The following CMSS1 variants were observed in gnomAD, a reference collection of about 807,000 sequenced individuals.
CMSS1 encodes the protein protein CMSS1.
CMSS1 carries 33 observed loss-of-function variants against 43.5 expected under a neutral mutation model. The ratio of observed to expected loss-of-function variants is 0.76; its 90% CI spans 0.57 to 1.01. The LOEUF is 1.01. CMSS1 is among the 50% of genes least tolerant of loss of function. The pLI is 0.00. For synonymous variants in CMSS1, 115 were observed against 117.2 expected (o/e 0.98, Z 0.12); for missense variants, 313 against 326.4 (o/e 0.96, Z 0.32).
intron 6 of CMSS1, among the ~76,000 whole-genome samples, chr3:100,169,298 A>G (rs2067090646): frequency 6.6e-6 from 1 of 152,230 alleles, no homozygotes; most frequent in African/African-American, 2.4e-5. Context: ...ATAAACAAAA[A>G]GGCTTCCACT....
Position 100,119,238 on chromosome 3 carries a change from CTATT to C in CMSS1, c.65-27729_65-27726del, listed in dbSNP as rs201660224. Among the ~76,000 whole-genome samples the C allele has an allele frequency of 1.4e-3, 212 of 152,216 alleles. No homozygotes were observed. The East Asian group carries it at 0.029, about 21-fold the overall frequency. On this transcript the variant is annotated intron_variant, in intron 1 of 9. Coordinates refer to ENST00000421999, the MANE Select transcript of CMSS1 (RefSeq NM_032359.4). ...AAATATGAGGTATAAATTAATTTGTCTATTTATTTTGTTTCTATGAATTATAAAG... is the reference window on the plus strand; with the variant it reads ...AAATATGAGGTATAAATTAATTTGTCTATTTTGTTTCTATGAATTATAAAG...
At chr3:99,936,126 C>G (rs1265182444) in intron 1 of CMSS1, among the ~76,000 whole-genome samples, 1 of 151,944 alleles carries the variant, frequency 6.6e-6, no homozygotes, top group Non-Finnish European at 1.5e-5. Flanking sequence ...GTGGATGTGA[C>G]TAGAGGATAT....
intron 1 of CMSS1, chr3:99,848,469 A>G: frequency 6.2e-7 from 1 of 1,614,180 alleles, no homozygotes; most frequent in South Asian, 1.1e-5. Flanking sequence ...CTTGCATGTA[A>G]GGACTTCCTA....
At chr3:99,833,597 C>G (rs1942775974) in intron 1 of CMSS1, among the ~76,000 whole-genome samples, 1 of 152,192 alleles carries the variant, frequency 6.6e-6, no homozygotes. Context: ...AGGATGTTTC[C>G]TTTTCTCTAA....
chr3:100,029,034 A>T lies in CMSS1; in HGVS notation c.65-117939A>T, dbSNP rs60667014. ...ATTCAATTATTTTTCTTTAAAAAAAATTTTTTTGAGCCTGGAATGGTGGTG... is the reference window on the plus strand; with the variant it reads ...ATTCAATTATTTTTCTTTAAAAAAATTTTTTTTGAGCCTGGAATGGTGGTG... On this transcript the variant is annotated intron_variant, in intron 1 of 9. Coordinates refer to ENST00000421999, the MANE Select transcript of CMSS1 (RefSeq NM_032359.4). Among the ~76,000 whole-genome samples the T allele has an allele frequency of 9.6e-3, 1,464 of 152,172 alleles. 32 individuals carry two copies. Among genetic ancestry groups the T allele is most frequent in the African/African-American group, 0.032 (1,325 of 41,534 alleles).
At chr3:100,125,221 G>A (rs2066653845) in intron 1 of CMSS1, among the ~76,000 whole-genome samples, 1 of 152,112 alleles carries the variant, frequency 6.6e-6, no homozygotes, top group Admixed American at 6.5e-5. Context: ...TTACTCTAGT[G>A]CTTCTCATGA....
intron 1 of CMSS1, among the ~76,000 whole-genome samples, chr3:99,861,625 G>A (rs1028527268): frequency 6.6e-6 from 1 of 152,130 alleles, no homozygotes; most frequent in Non-Finnish European, 1.5e-5. Flanking sequence ...CTTTAAGACA[G>A]GGATAATGTC....
intron 1 of CMSS1, among the ~76,000 whole-genome samples, chr3:100,109,004 C>T (rs1264289681): frequency 6.6e-6 from 1 of 151,420 alleles, no homozygotes; most frequent in African/African-American, 2.4e-5. Flanking sequence ...ATGGCTTTTT[C>T]AATGCAGTTT....
chr3:100,177,152 A>G (rs2067154250), intron 9 of CMSS1, among the ~76,000 whole-genome samples: 1 of 152,216 alleles, frequency 6.6e-6, no homozygotes, highest in African/African-American at 2.4e-5. Context: ...TACTCTTCCA[A>G]ACATGCTGAA....
At chr3:100,125,131 A>G (rs932899042) in intron 1 of CMSS1, among the ~76,000 whole-genome samples, 1 of 152,226 alleles carries the variant, frequency 6.6e-6, no homozygotes, top group African/African-American at 2.4e-5. Context: ...AAAGAAATAT[A>G]TAAATGCACC....
chr3:99,827,794 G>A (rs1431970788), intron 1 of CMSS1, among the ~76,000 whole-genome samples: 2 of 152,030 alleles, frequency 1.3e-5, no homozygotes, highest in Non-Finnish European at 2.9e-5. Flanking sequence ...TAGTAGAGAC[G>A]AGGTTTCTCC....
At chr3:99,972,126 C>T (rs35777905) in intron 1 of CMSS1, among the ~76,000 whole-genome samples, 18,442 of 152,144 alleles carry the variant, frequency 0.12, 1,495 homozygotes, top group Non-Finnish European at 0.18. Context: ...ATATTGCAGA[C>T]ATATAAAAAT....
intron 1 of CMSS1, among the ~76,000 whole-genome samples, chr3:100,063,974 T>C (rs2065617316): frequency 6.6e-6 from 1 of 152,224 alleles, no homozygotes; most frequent in Admixed American, 6.5e-5. Flanking sequence ...TTGGTGCCAG[T>C]ACTGAATGTT....
chr3:99,974,665 C>G (rs1246068632), intron 1 of CMSS1, among the ~76,000 whole-genome samples: 1 of 152,082 alleles, frequency 6.6e-6, no homozygotes, highest in Non-Finnish European at 1.5e-5. Context: ...CAAGGTCATG[C>G]CATTGCACTC....
intron 1 of CMSS1, among the ~76,000 whole-genome samples, chr3:100,074,675 A>AATTT (rs2065818687): frequency 2.9e-5 from 1 of 34,782 alleles, no homozygotes; most frequent in Non-Finnish European, 4.9e-5. Context: ...GCAACATTTG[A>AATTT]TTTTTTTTTT....
At chr3:99,865,650 G>A (rs2107567569) in intron 1 of CMSS1, among the ~76,000 whole-genome samples, 1 of 152,144 alleles carries the variant, frequency 6.6e-6, no homozygotes, top group East Asian at 1.9e-4. Context: ...TGGTGGGTTT[G>A]TCATAAATAC....
intron 1 of CMSS1, chr3:100,051,186 T>G (rs1210089480): frequency 6.6e-6 from 1 of 152,178 alleles, no homozygotes; most frequent in Non-Finnish European, 1.5e-5. Context: ...AATTCTTCTC[T>G]GTGAGTCCAG....
At chr3:100,122,454 C>G (rs114850230) in intron 1 of CMSS1, among the ~76,000 whole-genome samples, 2,715 of 152,310 alleles carry the variant, frequency 0.018, 77 homozygotes, top group African/African-American at 0.061. Context: ...ATTTGGCAGC[C>G]TAGGCCGGAG....
intron 1 of CMSS1, among the ~76,000 whole-genome samples, chr3:99,940,489 C>T (rs1341668979): frequency 1.3e-5 from 2 of 152,188 alleles, no homozygotes; most frequent in Non-Finnish European, 2.9e-5. Context: ...GTCCAATCCC[C>T]TTACACTGTA....
Sources: gnomAD v4.1 joint callset for allele counts (sites outside exome capture counted in the v4.1 genomes callset) on GRCh38, gnomAD v4.1.1 for gene constraint, MANE v1.5 for transcripts, NCBI Gene and HGNC (gene_info 2026-07-23, HGNC 2026-07-21) for gene names.